Variants in KANK1 observed in about 807,000 individuals in gnomAD.
KANK1 encodes KN motif and ankyrin repeat domain-containing protein 1.
A neutral mutation model predicts 106.2 loss-of-function variants in KANK1; 109 were observed. The observed-to-expected ratio is 1.03, with a 90% CI of 0.88 to 1.20. KANK1 has a LOEUF of 1.20. KANK1 is among the 50% of genes most tolerant of loss of function. KANK1 has a pLI of 0.00. For synonymous variants in KANK1, 873 were observed against 652.2 expected (o/e 1.34, Z -5.16); for missense variants, 2,399 against 1,710.7 (o/e 1.40, Z -7.10).
intron 3 of KANK1, among the ~76,000 whole-genome samples, chr9:724,934 C>T (rs1564085250): frequency 6.6e-6 from 1 of 152,190 alleles, no homozygotes; most frequent in Non-Finnish European, 1.5e-5. Context: ...GCTTTATCTA[C>T]TTTGCTTAAA....
chr9:625,835 C>CT (rs1834209812), intron 1 of KANK1, among the ~76,000 whole-genome samples: 1 of 152,182 alleles, frequency 6.6e-6, no homozygotes, highest in Admixed American at 6.5e-5. Context: ...AGTTTAGCCT[C>CT]TTTCTAGGCT....
At chr9:738,600 C>T in intron 8 of KANK1, 96 bp downstream of exon 8, 2 of 944,200 alleles carry the variant, frequency 2.1e-6, no homozygotes, top group Non-Finnish European at 3.4e-6. Flanking sequence ...AATTCTCTGA[C>T]CATGCTAAAA....
At chr9:550,991 T>A (rs772236131) in intron 1 of KANK1, among the ~76,000 whole-genome samples, 1 of 151,662 alleles carries the variant, frequency 6.6e-6, no homozygotes, top group African/African-American at 2.4e-5. Context: ...TTGAGAGAAG[T>A]TGAGTGGTAG....
chr9:563,781 C>G (rs1388895127), intron 1 of KANK1, among the ~76,000 whole-genome samples: 1 of 152,138 alleles, frequency 6.6e-6, no homozygotes. Flanking sequence ...ACCACTGACG[C>G]AGCAAATTCA....
chr9:570,597 C>T (rs534297651), intron 1 of KANK1, among the ~76,000 whole-genome samples: 2 of 152,324 alleles, frequency 1.3e-5, no homozygotes, highest in Middle Eastern at 3.4e-3. Context: ...GTGCATGCTG[C>T]TTCATTCGAT....
chr9:477,237 C>A (rs1564109096), intron 3 of KANK1, among the ~76,000 whole-genome samples: 1 of 151,072 alleles, frequency 6.6e-6, no homozygotes, highest in Non-Finnish European at 1.5e-5. Flanking sequence ...GACTTTTCCC[C>A]TGGTTAGCCT....
Position 605,252 on chromosome 9 carries a change from G to C in KANK1, c.-83-71638G>C, listed in dbSNP as rs145599255. 5.1e-5 allele frequency among the ~76,000 whole-genome samples: 7 copies of C among 138,150 alleles called. 1 individual carries two copies. Among genetic ancestry groups the C allele is most frequent in the African/African-American group, 1.9e-4 (7 of 36,110 alleles). 90.6% of individuals were successfully genotyped at this position (138,150 alleles called of 152,430 possible). A position where few individuals can be genotyped will look rare whatever the true frequency, so the allele number is the denominator to read the frequency against. On this transcript the variant is annotated intron_variant, in intron 1 of 11. Transcript: ENST00000382297. ...GGAGGCAGAGGTTGCAGTGAGCCCA[G>C]ATTGAACCACTGCACTCCAGCCTGG... is the stretch of plus-strand genomic sequence containing the variant.
At chr9:631,094 G>C (rs571328547) in intron 1 of KANK1, among the ~76,000 whole-genome samples, 1 of 152,254 alleles carries the variant, frequency 6.6e-6, no homozygotes, top group Non-Finnish European at 1.5e-5. Flanking sequence ...TGTGTCTTTT[G>C]CTGCTGTTAT....
Position 629,077 on chromosome 9 carries a change from C to CAAAA in KANK1, c.-83-47799_-83-47796dup, listed in dbSNP as rs34834497. On this transcript the variant is annotated intron_variant, in intron 1 of 11. Transcript: ENST00000382297. ...CTGGGCAACAGGGCACAACTGTTTCCAAAAAAAAAAAAAAAAATCCCATCT... is the reference window on the plus strand; with the variant it reads ...CTGGGCAACAGGGCACAACTGTTTCCAAAAAAAAAAAAAAAAAAAAATCCCATCT... 7.8e-3 allele frequency among the ~76,000 whole-genome samples: 1,038 copies of CAAAA among 132,654 alleles called. 12 individuals carry two copies. Among genetic ancestry groups the CAAAA allele is most frequent in the African/African-American group, 0.023 (830 of 35,810 alleles). 87.0% of individuals were successfully genotyped at this position (132,654 alleles called of 152,430 possible). A position where few individuals can be genotyped will look rare whatever the true frequency, so the allele number is the denominator to read the frequency against.
chr9:713,687 G>T (rs1041987208), intron 3 of KANK1, among the ~76,000 whole-genome samples: 1 of 152,134 alleles, frequency 6.6e-6, no homozygotes, highest in Non-Finnish European at 1.5e-5. Flanking sequence ...GAGGACTAAC[G>T]CTGGAAGAAA....
At chr9:624,667 G>T (rs1833930211) in intron 1 of KANK1, among the ~76,000 whole-genome samples, 2 of 152,002 alleles carry the variant, frequency 1.3e-5, no homozygotes, top group South Asian at 4.2e-4. Flanking sequence ...GTCGGGCGTA[G>T]TCATTCCTGT....
intron 1 of KANK1, among the ~76,000 whole-genome samples, chr9:584,760 G>C (rs542141856): frequency 1.3e-5 from 2 of 152,350 alleles, no homozygotes; most frequent in South Asian, 4.1e-4. Flanking sequence ...TCAGCTTTCA[G>C]GCTCGCTGCA....
intron 3 of KANK1, among the ~76,000 whole-genome samples, chr9:479,235 A>G (rs540942643): frequency 1.3e-5 from 2 of 152,372 alleles, no homozygotes; most frequent in Admixed American, 1.3e-4. Flanking sequence ...TAACAGACGC[A>G]TAAGCTATTA....
chr9:501,613 T>TATAC (rs1554722124), upstream of KANK1, among the ~76,000 whole-genome samples: 35 of 148,432 alleles, frequency 2.4e-4, no homozygotes, highest in African/African-American at 7.6e-4. Context: ...CGCACAGACA[T>TATAC]ACACACACAC....
intron 1 of KANK1, among the ~76,000 whole-genome samples, chr9:591,022 A>G (rs911716697): frequency 6.6e-6 from 1 of 151,754 alleles, no homozygotes; most frequent in African/African-American, 2.4e-5. Context: ...AAACAAAAAA[A>G]CCTTACCAGT....
intron 1 of KANK1, among the ~76,000 whole-genome samples, chr9:607,470 G>T (rs1454262120): frequency 8.3e-6 from 1 of 120,146 alleles, no homozygotes; most frequent in African/African-American, 3.4e-5. Context: ...GGGCGTTACA[G>T]CAAGACTCCA....
intron 1 of KANK1, among the ~76,000 whole-genome samples, chr9:541,589 G>C (rs2060601711): frequency 1.3e-5 from 2 of 151,888 alleles, no homozygotes; most frequent in South Asian, 4.2e-4. Context: ...GACCTCAAAA[G>C]TATCACAGAA....
intron 1 of KANK1, among the ~76,000 whole-genome samples, chr9:638,458 G>A (rs905410797): frequency 1.3e-5 from 2 of 152,172 alleles, no homozygotes; most frequent in African/African-American, 2.4e-5. Context: ...TGCTATGTCA[G>A]AGAGATTGTT....
intron 1 of KANK1, among the ~76,000 whole-genome samples, chr9:618,073 G>A (rs1412836334): frequency 1.3e-5 from 2 of 152,150 alleles, no homozygotes; most frequent in African/African-American, 2.4e-5. Flanking sequence ...GGTTATTTCA[G>A]TAGTACCCAC....
Sources: gnomAD v4.1 joint callset for allele counts (sites outside exome capture counted in the v4.1 genomes callset) on GRCh38, gnomAD v4.1.1 for gene constraint, MANE v1.5 for transcripts, NCBI Gene and HGNC (gene_info 2026-07-23, HGNC 2026-07-21) for gene names.